QTMAN: variants seen among roughly 807,000 people sequenced by gnomAD.
QTMAN encodes the protein queuosine-tRNA mannosyltransferase.
the QTMAN span, among the ~76,000 whole-genome samples, chr2:143,991,626 G>A: frequency 6.3e-5 from 8 of 127,040 alleles, no homozygotes; most frequent in East Asian, 2.5e-4. Flanking sequence ...CTGCCCGGCC[G>A]CCCCTACTGG....
At chr2:144,141,664 A>C in the QTMAN span, among the ~76,000 whole-genome samples, 6 of 151,816 alleles carry the variant, frequency 4.0e-5, no homozygotes, top group Non-Finnish European at 1.5e-5. Context: ...AAAGAAAAGA[A>C]AAGAAAAGAA....
At chr2:144,134,305 T>C in the QTMAN span, among the ~76,000 whole-genome samples, 1 of 152,184 alleles carries the variant, frequency 6.6e-6, no homozygotes, top group Non-Finnish European at 1.5e-5. Flanking sequence ...TCCCTATTTC[T>C]GTTTCTAAAT....
At chr2:144,134,765 T>C in the QTMAN span, among the ~76,000 whole-genome samples, 1 of 152,258 alleles carries the variant, frequency 6.6e-6, no homozygotes, top group African/African-American at 2.4e-5. Flanking sequence ...TTGCTTTAAT[T>C]TACTCAAAAT....
the QTMAN span, among the ~76,000 whole-genome samples, chr2:144,107,105 C>G: frequency 6.6e-6 from 1 of 152,190 alleles, no homozygotes; most frequent in Non-Finnish European, 1.5e-5. Context: ...ACATTTAAAG[C>G]AGTGTGTAAA....
the QTMAN span, among the ~76,000 whole-genome samples, chr2:144,311,220 TAGAG>T: frequency 6.6e-6 from 1 of 152,224 alleles, no homozygotes; most frequent in African/African-American, 2.4e-5. Flanking sequence ...ATTCTTATTC[TAGAG>T]AGAGCTTTAA....
At chr2:144,273,738 T>C in the QTMAN span, among the ~76,000 whole-genome samples, 23 of 152,344 alleles carry the variant, frequency 1.5e-4, no homozygotes, top group East Asian at 1.3e-3. Context: ...ATTTAAATTA[T>C]AGAATTCTGG....
the QTMAN span, among the ~76,000 whole-genome samples, chr2:144,052,784 T>C: frequency 6.6e-6 from 1 of 152,186 alleles, no homozygotes. Context: ...CCTAAGTAGC[T>C]GGGATTACAG....
At chr2:144,174,958 G>C in the QTMAN span, among the ~76,000 whole-genome samples, 22,828 of 152,092 alleles carry the variant, frequency 0.15, 4,412 homozygotes, top group African/African-American at 0.45. Flanking sequence ...GATAATAAAA[G>C]ACAACATAAA....
At chr2:144,147,559 T>C in the QTMAN span, among the ~76,000 whole-genome samples, 1 of 151,738 alleles carries the variant, frequency 6.6e-6, no homozygotes, top group African/African-American at 2.4e-5. Context: ...TGCGTAATCC[T>C]CCTCTCCTTC....
the QTMAN span, among the ~76,000 whole-genome samples, chr2:144,099,731 T>G: frequency 5.9e-5 from 9 of 152,206 alleles, no homozygotes; most frequent in Admixed American, 5.2e-4. Flanking sequence ...TGGAATTTCC[T>G]CTCTGGTTGG....
At chr2:144,108,980 G>A in the QTMAN span, among the ~76,000 whole-genome samples, 11 of 152,160 alleles carry the variant, frequency 7.2e-5, no homozygotes, top group South Asian at 4.1e-4. Flanking sequence ...GAAAATGGTC[G>A]TACTGCCCAA....
chr2:144,186,855 T>C, the QTMAN span, among the ~76,000 whole-genome samples: 1 of 152,148 alleles, frequency 6.6e-6, no homozygotes, highest in Non-Finnish European at 1.5e-5. Flanking sequence ...AGAAATGTCA[T>C]CACCTAACTC....
At chr2:144,253,892 A>G in the QTMAN span, among the ~76,000 whole-genome samples, 1 of 152,232 alleles carries the variant, frequency 6.6e-6, no homozygotes, top group South Asian at 2.1e-4. Flanking sequence ...CCTTCTCAAT[A>G]GCCCCTTCCA....
At chr2:144,250,732 T>C in the QTMAN span, among the ~76,000 whole-genome samples, 5 of 146,548 alleles carry the variant, frequency 3.4e-5, no homozygotes, top group Non-Finnish European at 5.9e-5. Context: ...TTAATTTTCC[T>C]GAATTGCTCT....
At chr2:144,182,808 A>AATATATATATATTATATATAAAAT in the QTMAN span, among the ~76,000 whole-genome samples, 1 of 52,528 alleles carries the variant, frequency 1.9e-5, no homozygotes, top group Non-Finnish European at 3.4e-5. Context: ...TTATATATAT[A>AATATATATATATTATATATAAAAT]ATATATATAT....
chr2:144,097,219 A>C, the QTMAN span, among the ~76,000 whole-genome samples: 1 of 152,230 alleles, frequency 6.6e-6, no homozygotes, highest in Non-Finnish European at 1.5e-5. Context: ...ATTATGTTCT[A>C]TCTGCTAACA....
the QTMAN span, among the ~76,000 whole-genome samples, chr2:144,074,152 T>A: frequency 6.3e-3 from 952 of 152,286 alleles, 11 homozygotes; most frequent in African/African-American, 0.021. Flanking sequence ...TCAATGTAAA[T>A]ATAAACAATT....
the QTMAN span, among the ~76,000 whole-genome samples, chr2:144,308,262 G>A: frequency 1.2e-4 from 18 of 151,288 alleles, no homozygotes; most frequent in African/African-American, 4.1e-4. Flanking sequence ...TGCCTCCCAG[G>A]TTCAAGCGAT....
chr2:144,145,108 TAAA>T, the QTMAN span, among the ~76,000 whole-genome samples: 10 of 109,040 alleles, frequency 9.2e-5, no homozygotes, highest in African/African-American at 2.3e-4. Flanking sequence ...TCTTACAATT[TAAA>T]AAAAAAAAAA....
Sources: allele counts gnomAD v4.1 joint callset (sites outside exome capture counted in the v4.1 genomes callset), GRCh38; gene constraint gnomAD v4.1.1; transcripts MANE v1.5; gene names NCBI Gene and HGNC (gene_info 2026-07-23, HGNC 2026-07-21).